Variants in KNG1 observed in about 807,000 individuals in gnomAD.
KNG1 encodes kininogen-1.
In KNG1, 23 loss-of-function variants were observed where a neutral mutation model predicts 47.8. The ratio of observed to expected loss-of-function variants is 0.48; its 90% CI spans 0.35 to 0.68. KNG1 has a LOEUF of 0.68. KNG1 is among the 30% of genes least tolerant of loss of function. The pLI is 0.01. For missense variants in KNG1, 762 were observed against 790.2 expected (o/e 0.96, Z 0.43); for synonymous variants, 277 against 277.0 (o/e 1.00, Z 0.00).
chr3:186,741,720 G>C lies in KNG1; in HGVS notation c.1324G>C (p.Gly442Arg), dbSNP rs1418839002. 6.2e-7 allele frequency: 1 copy of C among 1,614,130 alleles called. No homozygotes were observed. The highest frequency in any genetic ancestry group is 2.2e-5 in the East Asian group (1 of 44,882). Residue 442 changes from glycine (G) to arginine (R), a missense_variant, in exon 10 of 10, where the codon GGC (glycine) becomes CGC (arginine). Physicochemically the swap from Gly to Arg is moderately radical, Grantham distance 125. Coordinates refer to ENST00000644859, the MANE Select transcript of KNG1 (RefSeq NM_001102416.3). Reference protein sequence around the residue: ...GHEKQRKHNLGHGHKHERDQG... With the variant: ...GHEKQRKHNLRHGHKHERDQG... ...TGAAAAACAAAGAAAACATAATCTT[G>C]GCCATGGCCATAAACATGAACGTGA...
chr3:186,717,663 C>A lies in KNG1; in HGVS notation c.121C>A (p.Leu41Met). 6.2e-7 allele frequency: 1 copy of A among 1,613,128 alleles called. No homozygotes were observed. Among genetic ancestry groups the A allele is most frequent in the South Asian group, 1.1e-5 (1 of 91,060 alleles). Residue 41 changes from leucine to methionine, a missense_variant, in exon 1 of 10, where the codon CTG becomes ATG. Transcript: ENST00000644859. ...TTTATTTAAAGCTGTGGATGCTGCT[C>A]TGAAGAAATATAACAGTCAAAACCA... The part of the protein sequence containing the change: ...KDLFKAVDAA[L>M]KKYNSQNQSN...
chr3:186,741,527 A>T lies in KNG1; in HGVS notation c.1131A>T (p.Ser377=). ...TVNCQPLGMI[S]LMKRPPGFSP... The stretch of plus-strand genomic sequence containing the variant: ...TCTTAATATTTTCTGTTTAGATCTC[A>T]CTGATGAAAAGGCCTCCAGGTTTTT... The change falls in exon 10 of 10, where the codon TCA becomes TCT. Residue 377 remains serine, a synonymous_variant. Transcript: ENST00000644859. 1 of 1,609,178 alleles carries T rather than the reference A, an allele frequency of 6.2e-7. No homozygotes were observed. Among genetic ancestry groups the T allele is most frequent in the South Asian group, 1.1e-5 (1 of 90,382 alleles).
At chr3:186,739,785 C>T (rs1234680952) in intron 9 of KNG1, among the ~76,000 whole-genome samples, 1 of 152,228 alleles carries the variant, frequency 6.6e-6, no homozygotes, top group African/African-American at 2.4e-5. Context: ...GGCGCGGTGG[C>T]TCACGCCTGT....
At chr3:186,736,333 G>A (rs1405933140) in intron 7 of KNG1, 2 of 152,158 alleles carry the variant, frequency 1.3e-5, no homozygotes, top group Non-Finnish European at 2.9e-5. Context: ...TGATGAATTT[G>A]CTAAAAGCTA....
At chr3:186,739,789 C>T (rs1433614685) in intron 9 of KNG1, among the ~76,000 whole-genome samples, 4 of 152,318 alleles carry the variant, frequency 2.6e-5, no homozygotes, top group African/African-American at 7.2e-5. Flanking sequence ...CGGTGGCTCA[C>T]GCCTGTTATC....
chr3:186,724,372 T>C (rs1720290323), intron 3 of KNG1, among the ~76,000 whole-genome samples: 1 of 152,224 alleles, frequency 6.6e-6, no homozygotes, highest in Admixed American at 6.5e-5. Context: ...TATTGACCAG[T>C]AGGTTAGGGC....
chr3:186,735,379 A>T (rs975362639), intron 7 of KNG1, among the ~76,000 whole-genome samples: 3 of 152,138 alleles, frequency 2.0e-5, no homozygotes, highest in African/African-American at 7.2e-5. Flanking sequence ...GCACTTTGGG[A>T]GGCCGAGGCA....
At chr3:186,724,510 C>T (rs1656916) in intron 3 of KNG1, among the ~76,000 whole-genome samples, 82,087 of 151,904 alleles carry the variant, frequency 0.54, 22,348 homozygotes, top group Middle Eastern at 0.62. Flanking sequence ...CTTAGTGATA[C>T]TGGGCATTTT....
Position 186,720,096 on chromosome 3 carries a change from G to T in KNG1, c.196-9G>T. ...GGATGAACCCTAAGTATCTTTGGCT[G>T]CTTTTCAGGTTGGCTCTGACACGTT... On this transcript the variant is annotated splice_polypyrimidine_tract_variant and intron_variant, in intron 1 of 9. Transcript: ENST00000644859. The T allele has an allele frequency of 6.3e-7, 1 of 1,589,970 alleles. No individual in the cohort carries two copies. Among genetic ancestry groups the T allele is most frequent in the Non-Finnish European group, 8.6e-7 (1 of 1,157,964 alleles).
At position 186,725,894 on chromosome 3, in the gene KNG1, TA is replaced by T. The variant is rs1452336774; in HGVS notation, c.564+636del. 2.5e-5 allele frequency among the ~76,000 whole-genome samples: 3 copies of T among 119,060 alleles called. 1 individual carries two copies. The highest frequency in any genetic ancestry group is 1.0e-4 in the African/African-American group (3 of 29,052). 78.1% of individuals were successfully genotyped at this position (119,060 alleles called of 152,430 possible). A position where few individuals can be genotyped will look rare whatever the true frequency, so the allele number is the denominator to read the frequency against. On this transcript the variant is annotated intron_variant, in intron 4 of 9. Coordinates refer to ENST00000644859, the MANE Select transcript of KNG1 (RefSeq NM_001102416.3). ...TCGGCATGGCTTTCTGGGTACCCAC[TA>T]AGTTACAGTTCCCATATCATCAGAA...
In KNG1 at chr3:186,741,545, A is replaced by C; in HGVS notation, c.1149A>C (p.Pro383=). 1 of 1,610,318 alleles carries C rather than the reference A, an allele frequency of 6.2e-7. No homozygotes were observed. The highest frequency in any genetic ancestry group is 1.7e-5 in the Admixed American group (1 of 58,598). ...AGATCTCACTGATGAAAAGGCCTCC[A>C]GGTTTTTCACCTTTCCGATCATCAC... ...LGMISLMKRP[P]GFSPFRSSRI... The change falls in exon 10 of 10, where the codon CCA becomes CCC. Residue 383 remains proline, a synonymous_variant. Coordinates refer to ENST00000644859, the MANE Select transcript of KNG1 (RefSeq NM_001102416.3).
At chr3:186,736,540 ACCACT>A (rs1240458477) in intron 7 of KNG1, 1 of 152,196 alleles carries the variant, frequency 6.6e-6, no homozygotes, top group East Asian at 1.9e-4. Flanking sequence ...TTGCCCTACC[ACCACT>A]GCTGCTGTCC....
Position 186,742,757 on chromosome 3 carries a change from T to G in KNG1, c.*426T>G. On this transcript the variant is annotated 3_prime_UTR_variant, in exon 10 of 10. Coordinates refer to ENST00000644859, the MANE Select transcript of KNG1 (RefSeq NM_001102416.3). ...AAGTCAAGAGATTAAATGCTGAACTTATTAATGGAATAGAAATAATAAGGA... is the reference window on the plus strand; with the variant it reads ...AAGTCAAGAGATTAAATGCTGAACTGATTAATGGAATAGAAATAATAAGGA... The G allele has an allele frequency of 2.0e-6, 2 of 1,013,072 alleles. No homozygotes were observed. The allele number at this position is 1,013,072 out of a possible 1,614,324, so 62.8% of individuals were successfully genotyped here. A position where few individuals can be genotyped will look rare whatever the true frequency, so the allele number is the denominator to read the frequency against.
In KNG1 at chr3:186,717,741, A is replaced by G. The variant is rs772685670; in HGVS notation, c.195+4A>G. ...CATAACTGAAGCCACTAAGACGGTG[A>G]GTGAATTGTGTTTAACCTTGAAGTC... On this transcript the variant is annotated splice_donor_region_variant and intron_variant, in intron 1 of 9. Coordinates refer to ENST00000644859, the MANE Select transcript of KNG1 (RefSeq NM_001102416.3). 6.2e-7 allele frequency: 1 copy of G among 1,609,478 alleles called. No individual in the cohort carries two copies. Among genetic ancestry groups the G allele is most frequent in the Non-Finnish European group, 8.5e-7 (1 of 1,177,010 alleles).
In KNG1 at chr3:186,724,996, C is replaced by G. The variant is rs890447957; in HGVS notation, c.392-92C>G. 5 of 1,403,338 alleles carry G rather than the reference C, an allele frequency of 3.6e-6. No homozygotes were observed. In the South Asian group the frequency reaches 6.2e-5, roughly 17 times the overall value. The allele number at this position is 1,403,338 out of a possible 1,614,324, so 86.9% of individuals were successfully genotyped here. A position where few individuals can be genotyped will look rare whatever the true frequency, so the allele number is the denominator to read the frequency against. ...AAAGTGCTGGGTTTACAGGCATGAG[C>G]CACCACGCCCAGCCTCTTCTTTGTT... On this transcript the variant is annotated intron_variant, in intron 3 of 9. Transcript: ENST00000644859.
At chr3:186,725,942 A>ATTT (rs544977446) in intron 4 of KNG1, among the ~76,000 whole-genome samples, 2 of 142,200 alleles carry the variant, frequency 1.4e-5, no homozygotes, top group African/African-American at 5.2e-5. Flanking sequence ...TATATCCGTA[A>ATTT]TTTTTTTTTT....
chr3:186,741,421 C>A, intron 9 of KNG1, 101 bp from the exon 10 acceptor site: 1 of 1,031,554 alleles, frequency 9.7e-7, no homozygotes, highest in Non-Finnish European at 1.4e-6. Flanking sequence ...ACACCTCCCC[C>A]ATTGTAAACT....
chr3:186,720,221 T>C lies in KNG1; in HGVS notation c.306+6T>C. 6.3e-7 allele frequency: 1 copy of C among 1,586,600 alleles called. No individual in the cohort carries two copies. Among genetic ancestry groups the C allele is most frequent in the Non-Finnish European group, 8.7e-7 (1 of 1,155,098 alleles). On this transcript the variant is annotated splice_donor_region_variant and intron_variant, in intron 2 of 9. Coordinates refer to ENST00000644859, the MANE Select transcript of KNG1 (RefSeq NM_001102416.3). ...ACAAGGATGCTGCAAAAGCAGTAAG[T>C]GTATTGGCCATTCTTGGGCCTTCTG...
chr3:186,740,295 T>C (rs1720774359), intron 9 of KNG1, among the ~76,000 whole-genome samples: 2 of 152,206 alleles, frequency 1.3e-5, no homozygotes, highest in African/African-American at 2.4e-5. Context: ...CATTATCAAA[T>C]GCTTCCTCTG....
Sources: allele counts gnomAD v4.1 joint callset (sites outside exome capture counted in the v4.1 genomes callset), GRCh38; gene constraint gnomAD v4.1.1; transcripts MANE v1.5; gene names NCBI Gene and HGNC (gene_info 2026-07-23, HGNC 2026-07-21).